The following TPO variants were observed in gnomAD, a reference collection of about 807,000 sequenced individuals.
TPO encodes thyroid peroxidase, also known as thyroid microsomal antigen.
Under a neutral mutation model 96.9 loss-of-function variants are expected in TPO, and 78 were observed. The ratio of observed to expected loss-of-function variants is 0.81; its 90% CI spans 0.67 to 0.97. The LOEUF (loss-of-function observed/expected upper bound fraction) is 0.97. Among genes scored for constraint, TPO ranks in the 50% least tolerant of loss-of-function variants. The pLI is 0.00. For missense variants in TPO, 1,252 were observed against 1,274.8 expected (o/e 0.98, Z 0.27); for synonymous variants, 547 against 538.0 (o/e 1.02, Z -0.23).
chr2:1,439,803 G>A (rs1004155977), intron 5 of TPO, among the ~76,000 whole-genome samples: 4 of 152,052 alleles, frequency 2.6e-5, no homozygotes, highest in African/African-American at 7.2e-5. Context: ...TCTGGGTGGC[G>A]GTCCCTCACC....
intron 14 of TPO, among the ~76,000 whole-genome samples, chr2:1,516,295 T>C (rs1481721201): frequency 6.6e-6 from 1 of 152,208 alleles, no homozygotes; most frequent in Admixed American, 6.5e-5. Flanking sequence ...TGGAATTGGC[T>C]GATGAGACCC....
intron 8 of TPO, among the ~76,000 whole-genome samples, chr2:1,481,629 C>A (rs1262305274): frequency 1.3e-5 from 2 of 152,202 alleles, no homozygotes; most frequent in Non-Finnish European, 2.9e-5. Context: ...CACTCGGCTG[C>A]TGACCTTTGC....
chr2:1,477,859 G>A (rs1404604147), intron 8 of TPO: 4 of 985,254 alleles, frequency 4.1e-6, no homozygotes, highest in Non-Finnish European at 4.8e-6. Flanking sequence ...GCGGCCCTCC[G>A]GGGCCCCTCT....
chr2:1,409,601 T>C (rs1662296990), upstream of TPO, among the ~76,000 whole-genome samples: 1 of 152,136 alleles, frequency 6.6e-6, no homozygotes. Context: ...GATCCAATGC[T>C]GGTGATTACA....
At chr2:1,482,984 G>C (rs142427533) in intron 8 of TPO, among the ~76,000 whole-genome samples, 138 of 152,342 alleles carry the variant, frequency 9.1e-4, no homozygotes, top group African/African-American at 3.1e-3. Flanking sequence ...CCTGACTCAA[G>C]ATTCAAGTTT....
At chr2:1,434,189 T>G (rs1558280386) in intron 4 of TPO, among the ~76,000 whole-genome samples, 1 of 152,242 alleles carries the variant, frequency 6.6e-6, no homozygotes, top group South Asian at 2.1e-4. Flanking sequence ...CATAAGATAC[T>G]GAGATGGTAA....
At chr2:1,513,015 C>T (rs13398180) in intron 14 of TPO, among the ~76,000 whole-genome samples, 33,978 of 152,220 alleles carry the variant, frequency 0.22, 4,005 homozygotes, top group Non-Finnish European at 0.26. Flanking sequence ...AAGAGCCCTG[C>T]TCCCGTGCAA....
At chr2:1,523,722 C>A (rs1280169247) in intron 15 of TPO, among the ~76,000 whole-genome samples, 1 of 119,352 alleles carries the variant, frequency 8.4e-6, no homozygotes, top group African/African-American at 3.2e-5. Flanking sequence ...GTGCAACCTC[C>A]TCAGGTCCCC....
chr2:1,514,438 C>T (rs370725868), intron 14 of TPO, among the ~76,000 whole-genome samples: 1 of 152,220 alleles, frequency 6.6e-6, no homozygotes, highest in Non-Finnish European at 1.5e-5. Flanking sequence ...TCTCCAAAAT[C>T]CCAGTGCCCT....
At chr2:1,480,559 T>TACACACACTCACAC (rs1670455454) in intron 8 of TPO, among the ~76,000 whole-genome samples, 1 of 44,344 alleles carries the variant, frequency 2.3e-5, no homozygotes, top group Non-Finnish European at 4.1e-5. Flanking sequence ...TCAAACCCCC[T>TACACACACTCACAC]ACACACACAC....
At chr2:1,490,032 G>T (rs1468474626) in intron 10 of TPO, among the ~76,000 whole-genome samples, 1 of 88,314 alleles carries the variant, frequency 1.1e-5, no homozygotes, top group Non-Finnish European at 2.2e-5. Flanking sequence ...TCCCACACAG[G>T]GGGAGTCGCG....
chr2:1,402,994 A>G (rs1361151505), intron 1 of TPO, among the ~76,000 whole-genome samples: 1 of 152,172 alleles, frequency 6.6e-6, no homozygotes, highest in Non-Finnish European at 1.5e-5. Context: ...TTGCATCTTT[A>G]GTCACTCGCA....
At chr2:1,409,028 G>A (rs887743421), upstream of TPO, among the ~76,000 whole-genome samples, 4 of 152,174 alleles carry the variant, frequency 2.6e-5, no homozygotes, top group Non-Finnish European at 5.9e-5. Flanking sequence ...TTGTAGAAAC[G>A]CAAAGCACAG....
chr2:1,511,759 A>G (rs1036779812), intron 14 of TPO, among the ~76,000 whole-genome samples: 1 of 152,120 alleles, frequency 6.6e-6, no homozygotes, highest in Non-Finnish European at 1.5e-5. Context: ...TCCCCATGCC[A>G]CTGCAATTAC....
At chr2:1,485,217 C>T (rs1462124275) in intron 9 of TPO, among the ~76,000 whole-genome samples, 2 of 152,182 alleles carry the variant, frequency 1.3e-5, no homozygotes, top group African/African-American at 4.8e-5. Context: ...ATCCATGTCC[C>T]TGAAAAGGAC....
At chr2:1,518,846 A>G (rs142577007) in intron 15 of TPO, among the ~76,000 whole-genome samples, 76 of 152,298 alleles carry the variant, frequency 5.0e-4, no homozygotes, top group Admixed American at 2.2e-3. Flanking sequence ...TGCCCAGAAC[A>G]TATGTTTATA....
At chr2:1,541,111 G>C (rs1041272442) in intron 16 of TPO, 1 of 1,194,112 alleles carries the variant, frequency 8.4e-7, no homozygotes, top group African/African-American at 1.6e-5. Flanking sequence ...AAATGTGTAT[G>C]TTTATGTTTT....
intron 1 of TPO, among the ~76,000 whole-genome samples, chr2:1,396,558 G>T (rs1057398109): frequency 6.6e-6 from 1 of 152,208 alleles, no homozygotes; most frequent in Non-Finnish European, 1.5e-5. Context: ...AGAAAGGACA[G>T]GTGTGGTTAT....
intron 7 of TPO, 122 bp downstream of exon 7, chr2:1,456,404 G>A (rs1480300028): frequency 9.5e-7 from 1 of 1,056,876 alleles, no homozygotes; most frequent in African/African-American, 1.6e-5. Context: ...AGGGGTAGCA[G>A]TTGTGAATAT....
Sources: gnomAD v4.1 joint callset for allele counts (sites outside exome capture counted in the v4.1 genomes callset) on GRCh38, gnomAD v4.1.1 for gene constraint, MANE v1.5 for transcripts, NCBI Gene and HGNC (gene_info 2026-07-23, HGNC 2026-07-21) for gene names.